PUS7: variants seen among roughly 807,000 people sequenced by gnomAD.
PUS7 encodes the protein pseudouridine synthase 7, also known as pseudouridylate synthase 7 homolog.
PUS7 carries 48 observed loss-of-function variants against 79.8 expected under a neutral mutation model. The ratio of observed to expected loss-of-function variants is 0.60; its 90% CI spans 0.48 to 0.76. The LOEUF is 0.76. PUS7 is among the 30% of genes least tolerant of loss of function. The pLI, the probability that PUS7 is intolerant of heterozygous loss-of-function variation, is 0.00. For missense variants in PUS7, 729 were observed against 797.6 expected, an observed-to-expected ratio of 0.91 and a Z score of 1.04; for synonymous variants, 286 against 272.2, an observed-to-expected ratio of 1.05 and a Z score of -0.50.
intron 7 of PUS7, among the ~76,000 whole-genome samples, chr7:105,488,221 A>G (rs1824634036): frequency 1.3e-5 from 2 of 152,210 alleles, no homozygotes. Flanking sequence ...GTCTTCAACT[A>G]TTCTAAGACT....
Position 105,457,725 on chromosome 7 carries a change from A to C in PUS7, c.*65T>G. On this transcript the variant is annotated 3_prime_UTR_variant, in exon 16 of 16. Coordinates refer to ENST00000469408, the MANE Select transcript of PUS7 (RefSeq NM_019042.5). Reference sequence around the variant, plus strand: ...CATATATGAGTCTGAACTAAGACAAAAATGCACAGGGAGCCAGGAAGCAAA... The same window carrying C: ...CATATATGAGTCTGAACTAAGACAACAATGCACAGGGAGCCAGGAAGCAAA... The C allele has an allele frequency of 6.5e-7, 1 of 1,545,760 alleles. No homozygotes were observed. Among genetic ancestry groups the C allele is most frequent in the Non-Finnish European group, 8.8e-7 (1 of 1,137,304 alleles).
At chr7:105,503,286 C>A (rs1020071993) in intron 4 of PUS7, among the ~76,000 whole-genome samples, 10 of 152,148 alleles carry the variant, frequency 6.6e-5, no homozygotes, top group African/African-American at 2.4e-4. Context: ...CCTTAGGGAT[C>A]CTACATGAAA....
At chr7:105,509,263 A>G (rs892828264) in intron 1 of PUS7, among the ~76,000 whole-genome samples, 1 of 150,412 alleles carries the variant, frequency 6.6e-6, no homozygotes, top group African/African-American at 2.5e-5. Context: ...TGTTCATACG[A>G]TCCTAAAAAT....
At chr7:105,502,796 T>G (rs1217625869) in intron 4 of PUS7, among the ~76,000 whole-genome samples, 2 of 151,984 alleles carry the variant, frequency 1.3e-5, no homozygotes, top group African/African-American at 2.4e-5. Flanking sequence ...GCCTCCCGGG[T>G]TCAAGGGATT....
Position 105,481,060 on chromosome 7 carries a change from CTG to C in PUS7, c.1165_1166del (p.Gln389GlyfsTer25), listed in dbSNP as rs769502604. The C allele has an allele frequency of 1.2e-6, 2 of 1,607,916 alleles. No individual in the cohort carries two copies. Among genetic ancestry groups the C allele is most frequent in the South Asian group, 2.2e-5 (2 of 89,666 alleles). Reference protein sequence around the residue: ...RFGTTAVPTYQVGRAILQNSW... With the variant: ...RFGTTAVPTYXVGRAILQNSW... Reference sequence around the variant, plus strand: ...AGAAATTAAATACCAACCTTCCAACCTGATACGTAGGGACAGCTGTGGTTCCA... The same window carrying C: ...AGAAATTAAATACCAACCTTCCAACCATACGTAGGGACAGCTGTGGTTCCA... On this transcript the variant is annotated frameshift_variant, in exon 9 of 16. Transcript: ENST00000469408. LOFTEE classifies it high-confidence loss of function.
chr7:105,473,527 T>C (rs1701959137), intron 9 of PUS7, among the ~76,000 whole-genome samples: 1 of 152,060 alleles, frequency 6.6e-6, no homozygotes. Flanking sequence ...CAAGCGATTC[T>C]TGTGCCTCAG....
intron 5 of PUS7, chr7:105,496,845 G>A (rs962981415): frequency 1.4e-5 from 8 of 559,338 alleles, no homozygotes; most frequent in African/African-American, 2.0e-5. Context: ...TATCATTTTC[G>A]GTTTTCCTTC....
chr7:105,506,611 CG>C (rs1239964351), intron 2 of PUS7, among the ~76,000 whole-genome samples: 7 of 151,758 alleles, frequency 4.6e-5, no homozygotes, highest in African/African-American at 1.7e-4. Flanking sequence ...TTAGTAGAGA[CG>C]GGGTTGCACC....
At chr7:105,502,751 G>A (rs971610343) in intron 4 of PUS7, among the ~76,000 whole-genome samples, 187 bp from the exon 5 acceptor site, 8 of 152,188 alleles carry the variant, frequency 5.3e-5, no homozygotes, top group African/African-American at 1.9e-4. Flanking sequence ...TCAAGCTGGA[G>A]TGCAGTGGAG....
chr7:105,469,710 T>C (rs973354828), intron 11 of PUS7, among the ~76,000 whole-genome samples: 4 of 152,218 alleles, frequency 2.6e-5, no homozygotes, highest in African/African-American at 7.2e-5. Flanking sequence ...TCCACCTGCG[T>C]TGGCCTCCCA....
At chr7:105,505,682 C>CGGAG (rs1401517752) in intron 4 of PUS7, among the ~76,000 whole-genome samples, 3 of 152,050 alleles carry the variant, frequency 2.0e-5, no homozygotes, top group Non-Finnish European at 4.4e-5. Context: ...CTTCAGCCTT[C>CGGAG]GGAGTAGCTA....
At chr7:105,498,086 T>C (rs1319132729) in intron 5 of PUS7, among the ~76,000 whole-genome samples, 1 of 152,206 alleles carries the variant, frequency 6.6e-6, no homozygotes, top group African/African-American at 2.4e-5. Flanking sequence ...AGTATGAGTT[T>C]TGGCTCACAA....
intron 1 of PUS7, among the ~76,000 whole-genome samples, chr7:105,520,007 T>C (rs1586193688): frequency 1.3e-5 from 2 of 152,302 alleles, no homozygotes; most frequent in South Asian, 4.1e-4. Flanking sequence ...ATACAGTACA[T>C]GCATGCCCCT....
chr7:105,496,632 T>C (rs1426370197), intron 5 of PUS7, among the ~76,000 whole-genome samples: 1 of 152,186 alleles, frequency 6.6e-6, no homozygotes, highest in Non-Finnish European at 1.5e-5. Context: ...TTTGGTAAGT[T>C]AGTGATAAGT....
At chr7:105,460,731 G>A (rs1823388518) in intron 14 of PUS7, among the ~76,000 whole-genome samples, 1 of 150,882 alleles carries the variant, frequency 6.6e-6, no homozygotes, top group African/African-American at 2.4e-5. Flanking sequence ...GCGGGCGCCT[G>A]TAGTCCCAGC....
intron 1 of PUS7, 57 bp from the exon 2 acceptor site, chr7:105,508,601 G>A: frequency 6.6e-7 from 1 of 1,526,600 alleles, no homozygotes; most frequent in Non-Finnish European, 8.7e-7. Flanking sequence ...TTTCAGGCCG[G>A]GCGCGGTGGC....
At chr7:105,467,653 T>C (rs1471171426) in intron 12 of PUS7, among the ~76,000 whole-genome samples, 2 of 151,998 alleles carry the variant, frequency 1.3e-5, no homozygotes, top group Non-Finnish European at 2.9e-5. Flanking sequence ...TTGCTAGACC[T>C]AGATCGAAGT....
rs541098534 is a variant in PUS7, at chr7:105,483,771, C to T, written c.921-1331G>A. Among the ~76,000 whole-genome samples the T allele has an allele frequency of 1.8e-3, 269 of 152,308 alleles. 3 individuals carry two copies. The highest frequency in any genetic ancestry group is 6.0e-3 in the African/African-American group (248 of 41,554). On this transcript the variant is annotated intron_variant, in intron 7 of 15. Transcript: ENST00000469408. ...TCAGCTTCCCAAAGTGTTGGGATTA[C>T]AGCCATGAGCCAGTGCACCTGGCCA...
chr7:105,466,173 A>T (rs1390611850), intron 12 of PUS7, among the ~76,000 whole-genome samples: 2 of 152,150 alleles, frequency 1.3e-5, no homozygotes, highest in Non-Finnish European at 2.9e-5. Context: ...AAAAAAAAAA[A>T]AAAATTAAGT....
Sources: allele counts gnomAD v4.1 joint callset (sites outside exome capture counted in the v4.1 genomes callset), GRCh38; gene constraint gnomAD v4.1.1; transcripts MANE v1.5; gene names NCBI Gene and HGNC (gene_info 2026-07-23, HGNC 2026-07-21).